AAK1: variants seen among roughly 807,000 people sequenced by gnomAD.
AAK1 encodes AP2-associated protein kinase 1.
Under a neutral mutation model 116.0 loss-of-function variants are expected in AAK1, and 37 were observed. The observed-to-expected ratio is 0.32, with a 90% confidence interval of 0.25 to 0.42. The LOEUF is 0.42. Among genes scored for constraint, AAK1 ranks in the 10% least tolerant of loss-of-function variants. The pLI, the probability that AAK1 is intolerant of heterozygous loss-of-function variation, is 1.00. For missense variants in AAK1, 919 were observed against 1,170.6 expected (o/e 0.79, Z 3.14); for synonymous variants, 458 against 439.9 (o/e 1.04, Z -0.51).
chr2:69,470,572 T>A lies in AAK1; in HGVS notation c.*5297A>T. The stretch of plus-strand genomic sequence containing the variant: ...GTGAGTTTTCTCACTGGGGATAAAA[T>A]TATTCTTGCCAACACAAAATGTTTA... On this transcript the variant is annotated 3_prime_UTR_variant, in exon 22 of 22. Coordinates refer to ENST00000409085, the MANE Select transcript of AAK1 (RefSeq NM_014911.5). 2 of 985,400 alleles carry A rather than the reference T, an allele frequency of 2.0e-6. No homozygotes were observed. The highest frequency in any genetic ancestry group is 2.4e-6 in the Non-Finnish European group (2 of 829,932). The allele number at this position is 985,400 out of a possible 1,614,324, so 61.0% of individuals were successfully genotyped here.
At position 69,474,852 on chromosome 2, in the gene AAK1, A is replaced by C; in HGVS notation, c.*1017T>G. ...ACCTGATATCAGACTTGAAATGCCA[A>C]GTGGAAACAGAACTATTCAGCATCT... On this transcript the variant is annotated 3_prime_UTR_variant, in exon 22 of 22. Transcript: ENST00000409085. 1 of 985,866 alleles carries C rather than the reference A, an allele frequency of 1.0e-6. No individual in the cohort carries two copies. The highest frequency in any genetic ancestry group is 4.7e-5 in the South Asian group (1 of 21,290). 61.1% of individuals were successfully genotyped at this position (985,866 alleles called of 1,614,324 possible).
chr2:69,575,336 T>G (rs1672262425), intron 2 of AAK1, among the ~76,000 whole-genome samples: 1 of 151,846 alleles, frequency 6.6e-6, no homozygotes, highest in South Asian at 2.1e-4. Context: ...GTAAGGGGAA[T>G]GAGGCACTTG....
intron 10 of AAK1, among the ~76,000 whole-genome samples, chr2:69,521,852 C>T (rs1049430991): frequency 2.6e-5 from 4 of 152,230 alleles, no homozygotes; most frequent in African/African-American, 4.8e-5. Flanking sequence ...GCCATAGCTA[C>T]ACTGTAGGAA....
At chr2:69,524,358 C>T (rs1311892442) in intron 10 of AAK1, among the ~76,000 whole-genome samples, 3 of 152,092 alleles carry the variant, frequency 2.0e-5, no homozygotes, top group South Asian at 2.1e-4. Context: ...ACCACAGGCA[C>T]GTGCTACCAT....
intron 2 of AAK1, among the ~76,000 whole-genome samples, chr2:69,561,700 A>G (rs766712705): frequency 1.3e-5 from 2 of 152,176 alleles, no homozygotes; most frequent in Non-Finnish European, 2.9e-5. Context: ...GCGACAGCCA[A>G]TCCATCACTG....
chr2:69,557,417 T>G (rs1343689995), intron 2 of AAK1, among the ~76,000 whole-genome samples: 3 of 151,294 alleles, frequency 2.0e-5, no homozygotes, highest in Admixed American at 6.6e-5. Flanking sequence ...TCCTCCCACC[T>G]CAGCCTCCCG....
At chr2:69,535,125 C>T (rs549908968) in intron 5 of AAK1, among the ~76,000 whole-genome samples, 2 of 152,218 alleles carry the variant, frequency 1.3e-5, no homozygotes, top group Non-Finnish European at 2.9e-5. Flanking sequence ...CATGCTTCTC[C>T]TATTGTATGT....
intron 3 of AAK1, among the ~76,000 whole-genome samples, chr2:69,545,921 G>C (rs977220378): frequency 8.5e-5 from 13 of 152,128 alleles, no homozygotes; most frequent in African/African-American, 3.1e-4. Flanking sequence ...GCCTAAGGCA[G>C]CAGCATTGAG....
At chr2:69,572,415 C>T (rs1303754947) in intron 2 of AAK1, among the ~76,000 whole-genome samples, 2 of 151,874 alleles carry the variant, frequency 1.3e-5, no homozygotes, top group Admixed American at 1.3e-4. Flanking sequence ...GTGAGGAATT[C>T]GAGACCAGCC....
At chr2:69,568,099 C>T (rs1671951106) in intron 2 of AAK1, among the ~76,000 whole-genome samples, 1 of 152,196 alleles carries the variant, frequency 6.6e-6, no homozygotes, top group Admixed American at 6.5e-5. Flanking sequence ...TCAGTCCCCA[C>T]CCATGCTACA....
At position 69,514,872 on chromosome 2, in the gene AAK1, T is replaced by A. The variant is rs1030970873; in HGVS notation, c.1498-123A>T. On this transcript the variant is annotated intron_variant, in intron 12 of 21. Transcript: ENST00000409085. Reference sequence around the variant, plus strand: ...AAGGCAAGGGCAAGTAGAAAAGTCTTGAGGCTAGGCCTAAAATCTCATGAT... The same window carrying A: ...AAGGCAAGGGCAAGTAGAAAAGTCTAGAGGCTAGGCCTAAAATCTCATGAT... 4.4e-6 allele frequency: 5 copies of A among 1,138,218 alleles called. No homozygotes were observed. The African/African-American group carries it at 6.3e-5, about 14-fold the overall frequency. The allele number at this position is 1,138,218 out of a possible 1,614,324, so 70.5% of individuals were successfully genotyped here. A position where few individuals can be genotyped will look rare whatever the true frequency, so the allele number is the denominator to read the frequency against.
chr2:69,476,251 C>T (rs1480931403), intron 21 of AAK1, among the ~76,000 whole-genome samples: 1 of 152,074 alleles, frequency 6.6e-6, no homozygotes, highest in Non-Finnish European at 1.5e-5. Context: ...CAAATCAATA[C>T]TTTTTTTGGT....
intron 2 of AAK1, among the ~76,000 whole-genome samples, chr2:69,603,836 T>C (rs1260244313): frequency 6.6e-6 from 1 of 152,212 alleles, no homozygotes; most frequent in Non-Finnish European, 1.5e-5. Context: ...TTCTCTGGTG[T>C]TTCAGGAGTT....
At chr2:69,565,373 A>T (rs1179185495) in intron 2 of AAK1, among the ~76,000 whole-genome samples, 1 of 152,258 alleles carries the variant, frequency 6.6e-6, no homozygotes, top group African/African-American at 2.4e-5. Flanking sequence ...CACATTTCTA[A>T]GCTAGGACTG....
rs568916208 is a variant in AAK1 at position 69,504,526 on chromosome 2, T to C, written c.2269+1043A>G. Among the ~76,000 whole-genome samples the C allele has an allele frequency of 3.3e-5, 5 of 150,450 alleles. No homozygotes were observed. The South Asian group carries it at 1.1e-3, about 32-fold the overall frequency. ...CTCACGCCTGTAATCCCAGCACTTT[T>C]GGAGGCCAAGGCAGGCAGATCACCT... is the stretch of plus-strand genomic sequence containing the variant. On this transcript the variant is annotated intron_variant, in intron 16 of 21. Coordinates refer to ENST00000409085, the MANE Select transcript of AAK1 (RefSeq NM_014911.5).
At chr2:69,602,524 GA>G (rs1673625193) in intron 2 of AAK1, among the ~76,000 whole-genome samples, 1 of 152,152 alleles carries the variant, frequency 6.6e-6, no homozygotes, top group Non-Finnish European at 1.5e-5. Context: ...AACCATCGGT[GA>G]ATCTGGGTGA....
rs143303162 is a variant in AAK1, at chr2:69,514,396, T to C, written c.1776+75A>G. 3.4e-6 allele frequency: 5 copies of C among 1,452,656 alleles called. No individual in the cohort carries two copies. In the African/African-American group the frequency reaches 5.7e-5, roughly 17 times the overall value. 90.0% of individuals were successfully genotyped at this position (1,452,656 alleles called of 1,614,324 possible). A position where few individuals can be genotyped will look rare whatever the true frequency, so the allele number is the denominator to read the frequency against. On this transcript the variant is annotated intron_variant, in intron 13 of 21. Transcript: ENST00000409085. ...TGGACCCTCATCAGCTGCTGCCATC[T>C]TTCCCACCCTTCCCCTAGCTCTCGC...
In AAK1 at chr2:69,494,575, C is replaced by A. The variant is rs1355285114; in HGVS notation, c.2365+1410G>T. 3.9e-5 allele frequency among the ~76,000 whole-genome samples: 6 copies of A among 152,136 alleles called. No homozygotes were observed. The South Asian group carries it at 8.3e-4, about 21-fold the overall frequency. On this transcript the variant is annotated intron_variant, in intron 17 of 21. Transcript: ENST00000409085. ...CCATCACCTCTTTCCCTTGTCTGAT[C>A]CCATGATTACCAAAACAGGGAGGAA...
In AAK1 at chr2:69,468,276, T is replaced by C. The variant is rs79049941; in HGVS notation, c.*7593A>G. On this transcript the variant is annotated 3_prime_UTR_variant, in exon 22 of 22. Transcript: ENST00000409085. ...AATTTCTCAGGCAAGTAAATTGATA[T>C]TAGATTTGTCTCAGTGATACCAAGA... 0.011 allele frequency: 10,690 copies of C among 985,246 alleles called. 551 individuals are homozygous for C. The East Asian group carries it at 0.19, about 17-fold the overall frequency. The allele number at this position is 985,246 out of a possible 1,614,324, so 61.0% of individuals were successfully genotyped here.
Sources: gnomAD v4.1 joint callset for allele counts (sites outside exome capture counted in the v4.1 genomes callset) on GRCh38, gnomAD v4.1.1 for gene constraint, MANE v1.5 for transcripts, NCBI Gene and HGNC (gene_info 2026-07-23, HGNC 2026-07-21) for gene names.